Variants in TRIM67 observed in about 807,000 individuals in gnomAD.
TRIM67 encodes the protein tripartite motif-containing protein 67.
A neutral mutation model predicts 71.0 loss-of-function variants in TRIM67; 39 were observed. The ratio of observed to expected loss-of-function variants is 0.55; its 90% confidence interval spans 0.43 to 0.72. The LOEUF is 0.72. Among genes scored for constraint, TRIM67 ranks in the 30% least tolerant of loss-of-function variants. TRIM67 has a pLI of 0.00. For synonymous variants in TRIM67, 481 were observed against 473.9 expected, an observed-to-expected ratio of 1.01 and a Z score of -0.19; for missense variants, 973 against 1,079.2, an observed-to-expected ratio of 0.90 and a Z score of 1.38.
At chr1:231,171,900 G>A (rs1370159648) in intron 1 of TRIM67, among the ~76,000 whole-genome samples, 2 of 152,144 alleles carry the variant, frequency 1.3e-5, no homozygotes, top group South Asian at 2.1e-4. Context: ...TTTGAGACTA[G>A]GCTAGCCAAC....
chr1:231,178,539 C>G (rs1682815190), intron 1 of TRIM67, among the ~76,000 whole-genome samples: 1 of 152,214 alleles, frequency 6.6e-6, no homozygotes, highest in African/African-American at 2.4e-5. Flanking sequence ...GGGCACAAAA[C>G]AATCTTAGTG....
At chr1:231,198,244 G>A (rs557095625) in intron 2 of TRIM67, among the ~76,000 whole-genome samples, 1 of 152,328 alleles carries the variant, frequency 6.6e-6, no homozygotes, top group East Asian at 1.9e-4. Flanking sequence ...AAGATACAAA[G>A]ATCAATGAGG....
intron 1 of TRIM67, among the ~76,000 whole-genome samples, chr1:231,167,265 G>A (rs1338233555): frequency 6.6e-6 from 1 of 151,034 alleles, no homozygotes; most frequent in East Asian, 1.9e-4. Flanking sequence ...AAGCAAGGGA[G>A]AGGGTGTGGC....
At position 231,216,955 on chromosome 1, in the gene TRIM67, TTC is replaced by T; in HGVS notation, c.*1517_*1518del. On this transcript the variant is annotated 3_prime_UTR_variant, in exon 10 of 10. Transcript: ENST00000366653. Reference sequence around the variant, plus strand: ...GAATATATTTTGTCAAGCATTTTATTTCTGAGGCTGAGAAGTGACTTGTCAAT... The same window carrying T: ...GAATATATTTTGTCAAGCATTTTATTTGAGGCTGAGAAGTGACTTGTCAAT... 2 of 985,798 alleles carry T rather than the reference TTC, an allele frequency of 2.0e-6. No individual in the cohort carries two copies. Among genetic ancestry groups the T allele is most frequent in the South Asian group, 9.4e-5 (2 of 21,284 alleles). 61.1% of individuals were successfully genotyped at this position (985,798 alleles called of 1,614,324 possible). A position where few individuals can be genotyped will look rare whatever the true frequency, so the allele number is the denominator to read the frequency against.
rs1220176459 is a variant in TRIM67, at chr1:231,218,720, T to C, written c.*3280T>C. ...TCCAGGCTGCATCTTCAGCCTGATATGTACTTTGTAGTTGCAACAGCGCCC... is the reference window on the plus strand; with the variant it reads ...TCCAGGCTGCATCTTCAGCCTGATACGTACTTTGTAGTTGCAACAGCGCCC... On this transcript the variant is annotated 3_prime_UTR_variant, in exon 10 of 10. Transcript: ENST00000366653. 2.2e-5 allele frequency: 22 copies of C among 985,460 alleles called. No homozygotes were observed. The South Asian group carries it at 4.2e-4, about 19-fold the overall frequency. The allele number at this position is 985,460 out of a possible 1,614,324, so 61.0% of individuals were successfully genotyped here.
At chr1:231,167,357 C>A (rs1324816677) in intron 1 of TRIM67, among the ~76,000 whole-genome samples, 31 of 40,520 alleles carry the variant, frequency 7.7e-4, no homozygotes, top group East Asian at 1.6e-3. Context: ...GAGTCTCGCT[C>A]TGTCGCCCAG....
chr1:231,207,954 G>A (rs939600425), intron 7 of TRIM67, among the ~76,000 whole-genome samples: 1 of 151,484 alleles, frequency 6.6e-6, no homozygotes, highest in African/African-American at 2.4e-5. Context: ...TCACCTCTCT[G>A]TGTCTCAAAT....
Position 231,219,851 on chromosome 1 carries a change from GCTT to G in TRIM67, c.*4412_*4414del. 7.8e-7 allele frequency: 1 copy of G among 1,289,582 alleles called. No homozygotes were observed. Among genetic ancestry groups the G allele is most frequent in the Non-Finnish European group, 1.0e-6 (1 of 988,760 alleles). The allele number at this position is 1,289,582 out of a possible 1,614,324, so 79.9% of individuals were successfully genotyped here. On this transcript the variant is annotated 3_prime_UTR_variant, in exon 10 of 10. Transcript: ENST00000366653. ...TCCCAGAAGATCAAAGGATCCTGCA[GCTT>G]TAACCTAATATCTAGGCTGTAAAAA...
intron 1 of TRIM67, among the ~76,000 whole-genome samples, chr1:231,171,081 TC>T (rs1327822321): frequency 6.6e-6 from 1 of 152,224 alleles, no homozygotes; most frequent in East Asian, 1.9e-4. Flanking sequence ...CTTTTAGAGC[TC>T]CAGGGTGCTA....
intron 8 of TRIM67, among the ~76,000 whole-genome samples, chr1:231,212,350 G>A (rs1047499869): frequency 2.0e-5 from 3 of 152,120 alleles, no homozygotes; most frequent in Non-Finnish European, 4.4e-5. Context: ...ATACATTGTT[G>A]GTGTTAGTAC....
intron 9 of TRIM67, 61 bp from the exon 10 acceptor site, chr1:231,215,314 G>A: frequency 6.3e-7 from 1 of 1,575,936 alleles, no homozygotes; most frequent in Non-Finnish European, 8.6e-7. Context: ...GGTGCTGTCA[G>A]AGCCCTCAGG....
chr1:231,188,306 C>T (rs1403634399), intron 1 of TRIM67, among the ~76,000 whole-genome samples: 4 of 152,162 alleles, frequency 2.6e-5, no homozygotes, highest in South Asian at 2.1e-4. Context: ...TATCAACATT[C>T]GCAAAGTGGC....
rs897093814 is a variant in TRIM67 at position 231,216,320 on chromosome 1, C to T, written c.*880C>T. ...CACACACACACAGGCATGACAGTCT[C>T]CTAAAATTAATTCACTCAGTTCTTA... On this transcript the variant is annotated 3_prime_UTR_variant, in exon 10 of 10. Transcript: ENST00000366653. 3.0e-6 allele frequency: 3 copies of T among 985,242 alleles called. No homozygotes were observed. The African/African-American group carries it at 5.2e-5, about 17-fold the overall frequency. 61.0% of individuals were successfully genotyped at this position (985,242 alleles called of 1,614,324 possible). A position where few individuals can be genotyped will look rare whatever the true frequency, so the allele number is the denominator to read the frequency against.
At chr1:231,203,516 CTCATGAG>C (rs1454551898) in intron 5 of TRIM67, among the ~76,000 whole-genome samples, 4 of 152,312 alleles carry the variant, frequency 2.6e-5, no homozygotes, top group African/African-American at 9.6e-5. Context: ...TGATGCGTTC[CTCATGAG>C]TCTGAGTCAA....
chr1:231,163,414 T>G lies in TRIM67; in HGVS notation c.445T>G (p.Ser149Ala). ...GGCGGCTCGGGGTGCCGCCTGCTCC[T>G]CGCTGTCCTCGTCTTCGAGCTCCAT... is the stretch of plus-strand genomic sequence containing the variant. ...AAAARGAACS[S>A]LSSSSSSITC... is the part of the protein sequence containing the mutation. The change falls in exon 1 of 10, where the codon TCG (serine) becomes GCG (alanine). Residue 149 changes from serine (S) to alanine (A), a missense_variant. Around this residue, in one of 2 missense-constraint regions of TRIM67, gnomAD observed 795 missense variants for 831.3 expected, o/e 0.96. Coordinates refer to ENST00000366653, the MANE Select transcript of TRIM67 (RefSeq NM_001004342.5). The G allele has an allele frequency of 6.5e-7, 1 of 1,537,810 alleles. No homozygotes were observed. The highest frequency in any genetic ancestry group is 1.2e-5 in the South Asian group (1 of 82,824).
chr1:231,173,941 C>T (rs1044196903), intron 1 of TRIM67, among the ~76,000 whole-genome samples: 1 of 152,028 alleles, frequency 6.6e-6, no homozygotes, highest in African/African-American at 2.4e-5. Context: ...GCTGGGGGTT[C>T]TCTGAGCTTC....
Position 231,215,848 on chromosome 1 carries a change from G to A in TRIM67, c.*408G>A, listed in dbSNP as rs1206142583. On this transcript the variant is annotated 3_prime_UTR_variant, in exon 10 of 10. Coordinates refer to ENST00000366653, the MANE Select transcript of TRIM67 (RefSeq NM_001004342.5). Reference sequence around the variant, plus strand: ...GAGAGCGGCAGTCAGGAGCTGCGCTGTAATCCCACGCCCCGGGTGTTGGCC... The same window carrying A: ...GAGAGCGGCAGTCAGGAGCTGCGCTATAATCCCACGCCCCGGGTGTTGGCC... 1 of 1,006,212 alleles carries A rather than the reference G, an allele frequency of 9.9e-7. No individual in the cohort carries two copies. Among genetic ancestry groups the A allele is most frequent in the Non-Finnish European group, 1.2e-6 (1 of 844,188 alleles). 62.3% of individuals were successfully genotyped at this position (1,006,212 alleles called of 1,614,324 possible).
chr1:231,196,174 G>A (rs1683367434), intron 1 of TRIM67, among the ~76,000 whole-genome samples: 1 of 152,180 alleles, frequency 6.6e-6, no homozygotes, highest in African/African-American at 2.4e-5. Context: ...AGGTCGTGAG[G>A]AAAGTCCTCA....
intron 1 of TRIM67, among the ~76,000 whole-genome samples, chr1:231,172,712 G>T (rs1011395265): frequency 1.2e-4 from 19 of 152,180 alleles, no homozygotes; most frequent in Admixed American, 3.9e-4. Context: ...TTAGGTCAAG[G>T]TTGTGTTAGG....
Sources: allele counts gnomAD v4.1 joint callset (sites outside exome capture counted in the v4.1 genomes callset), GRCh38; gene constraint gnomAD v4.1.1; regional missense constraint gnomAD v4.1.1; transcripts MANE v1.5; gene names NCBI Gene and HGNC (gene_info 2026-07-23, HGNC 2026-07-21).